The following PHACTR1 variants were observed in gnomAD, a reference collection of about 807,000 sequenced individuals.
The protein encoded by PHACTR1 is RPEL repeat containing 1.
In PHACTR1, 16 loss-of-function variants were observed where a neutral mutation model predicts 69.2. That is an observed-to-expected ratio of 0.23 (90% CI 0.16 to 0.35). The LOEUF (loss-of-function observed/expected upper bound fraction) is 0.35. PHACTR1 is among the 10% of genes least tolerant of loss of function. The pLI is 1.00. For missense variants in PHACTR1, 510 were observed against 734.7 expected, an observed-to-expected ratio of 0.69 and a Z score of 3.54; for synonymous variants, 312 against 284.5, an observed-to-expected ratio of 1.10 and a Z score of -0.97.
chr6:12,845,441 C>CCCT (rs1554149829), intron 4 of PHACTR1, among the ~76,000 whole-genome samples: 1 of 100,426 alleles, frequency 1.0e-5, no homozygotes, highest in African/African-American at 3.7e-5. Context: ...CCCCCCCCCC[C>CCCT]CCGCCCTCCG....
intron 14 of PHACTR1, among the ~76,000 whole-genome samples, chr6:13,286,851 G>C (rs1165602845): frequency 6.6e-6 from 1 of 152,242 alleles, no homozygotes; most frequent in Non-Finnish European, 1.5e-5. Context: ...GCTGGATCCA[G>C]GCTGATGGCA....
intron 4 of PHACTR1, among the ~76,000 whole-genome samples, chr6:12,751,953 G>A (rs1267568119): frequency 1.3e-5 from 2 of 152,054 alleles, no homozygotes; most frequent in East Asian, 1.9e-4. Flanking sequence ...GACAGTGGAG[G>A]GATGGGTACT....
intron 11 of PHACTR1, chr6:13,274,576 G>A (rs1477000042): frequency 3.3e-5 from 5 of 152,214 alleles, no homozygotes; most frequent in Admixed American, 6.5e-5. Context: ...AAAAGCCTCC[G>A]GGGGATTATT....
chr6:13,205,908 G>A lies in PHACTR1; in HGVS notation c.758G>A (p.Gly253Glu). The A allele has an allele frequency of 1.2e-6, 2 of 1,613,734 alleles. No individual in the cohort carries two copies. The highest frequency in any genetic ancestry group is 1.7e-6 in the Non-Finnish European group (2 of 1,179,700). ...KKVMICMPVG[G>E]PDLSLVSYTA... ...GTCATGATCTGTATGCCCGTGGGGG[G>A]GCCAGACCTCTCACTGGTGTCCTAC... The change falls in exon 8 of 15, where the codon GGG becomes GAG. Residue 253 changes from glycine (G) to glutamate (E), a missense_variant. Physicochemically the swap from Gly to Glu is moderately conservative, Grantham distance 98 (BLOSUM62 -2). Transcript: ENST00000332995.
chr6:12,912,894 C>G (rs1394084013), intron 4 of PHACTR1, among the ~76,000 whole-genome samples: 1 of 152,188 alleles, frequency 6.6e-6, no homozygotes, highest in Non-Finnish European at 1.5e-5. Flanking sequence ...GCCAAGGCTG[C>G]AGTGAGCTGA....
chr6:13,008,921 T>A (rs1311906489), intron 4 of PHACTR1, among the ~76,000 whole-genome samples: 1 of 152,180 alleles, frequency 6.6e-6, no homozygotes, highest in Non-Finnish European at 1.5e-5. Flanking sequence ...ACAACAGATA[T>A]TTATTCTCTC....
At chr6:13,041,577 A>G (rs1454126071) in intron 4 of PHACTR1, among the ~76,000 whole-genome samples, 1 of 152,174 alleles carries the variant, frequency 6.6e-6, no homozygotes, top group African/African-American at 2.4e-5. Flanking sequence ...CTTAAAAGGA[A>G]GTAGACTCAA....
At chr6:12,975,185 T>A (rs1416809648) in intron 4 of PHACTR1, among the ~76,000 whole-genome samples, 1 of 152,240 alleles carries the variant, frequency 6.6e-6, no homozygotes, top group Admixed American at 6.5e-5. Context: ...CCACGGCCTG[T>A]GTTTTGCATT....
intron 4 of PHACTR1, among the ~76,000 whole-genome samples, chr6:12,857,900 C>T (rs772592434): frequency 2.0e-5 from 3 of 152,130 alleles, no homozygotes; most frequent in South Asian, 2.1e-4. Flanking sequence ...GGTTTAAAGT[C>T]GGGAATTTAC....
At position 13,050,546 on chromosome 6, in the gene PHACTR1, G is replaced by A. The variant is rs550140580; in HGVS notation, c.251-2819G>A. 7.2e-5 allele frequency among the ~76,000 whole-genome samples: 11 copies of A among 152,194 alleles called. No individual in the cohort carries two copies. In the South Asian group the frequency reaches 2.3e-3, roughly 32 times the overall value. ...AGAACCATGTTTCATACATTTCTCA[G>A]CATTTTTTCTACATCTTCGATCTCT... On this transcript the variant is annotated intron_variant, in intron 4 of 14. Transcript: ENST00000332995.
intron 4 of PHACTR1, among the ~76,000 whole-genome samples, chr6:12,899,194 G>T (rs7740464): frequency 0.049 from 7,423 of 152,178 alleles, 512 homozygotes; most frequent in African/African-American, 0.15. Context: ...TTCCTTACAG[G>T]AGGGGCCAAA....
chr6:12,886,770 TG>T (rs1783683263), intron 4 of PHACTR1, among the ~76,000 whole-genome samples: 1 of 152,114 alleles, frequency 6.6e-6, no homozygotes, highest in African/African-American at 2.4e-5. Context: ...TTTCGTTTTT[TG>T]TGTCTGATAC....
intron 6 of PHACTR1, among the ~76,000 whole-genome samples, chr6:13,166,704 G>T (rs1161396267): frequency 6.6e-6 from 1 of 152,066 alleles, no homozygotes; most frequent in Non-Finnish European, 1.5e-5. Flanking sequence ...TCTTTAAGTG[G>T]TATGGGAAAA....
chr6:12,926,998 C>T (rs1788343946), intron 4 of PHACTR1, among the ~76,000 whole-genome samples: 1 of 152,350 alleles, frequency 6.6e-6, no homozygotes, highest in East Asian at 1.9e-4. Flanking sequence ...TGCTTAGGAT[C>T]CAGCTCAGAT....
intron 5 of PHACTR1, among the ~76,000 whole-genome samples, chr6:13,127,933 T>G (rs916922905): frequency 6.6e-6 from 1 of 151,968 alleles, no homozygotes; most frequent in Non-Finnish European, 1.5e-5. Context: ...TCTGCATGGC[T>G]AGGGAGGCCT....
intron 4 of PHACTR1, among the ~76,000 whole-genome samples, chr6:13,027,023 C>A (rs1202839397): frequency 6.6e-6 from 1 of 152,176 alleles, no homozygotes; most frequent in Non-Finnish European, 1.5e-5. Context: ...AGAATTCAGT[C>A]CTCTGCAATA....
chr6:13,000,412 G>A (rs946583841), intron 4 of PHACTR1, among the ~76,000 whole-genome samples: 1 of 152,098 alleles, frequency 6.6e-6, no homozygotes, highest in Admixed American at 6.5e-5. Flanking sequence ...GCTAGGTGTG[G>A]TGGTGCACAT....
At chr6:12,908,871 C>T (rs941947913) in intron 4 of PHACTR1, among the ~76,000 whole-genome samples, 61 of 152,170 alleles carry the variant, frequency 4.0e-4, no homozygotes, top group African/African-American at 1.3e-3. Context: ...ACATGAGAAC[C>T]GCTTTCCTGC....
At chr6:12,827,642 A>G (rs1488925803) in intron 4 of PHACTR1, among the ~76,000 whole-genome samples, 2 of 152,226 alleles carry the variant, frequency 1.3e-5, no homozygotes, top group African/African-American at 4.8e-5. Context: ...CCAATTTACT[A>G]GGATTGGCAG....
Sources: allele counts gnomAD v4.1 joint callset (sites outside exome capture counted in the v4.1 genomes callset), GRCh38; gene constraint gnomAD v4.1.1; transcripts MANE v1.5; gene names NCBI Gene and HGNC (gene_info 2026-07-23, HGNC 2026-07-21).